Variants in HERC3 observed in about 807,000 individuals in gnomAD.
HERC3 encodes the protein HECT and RLD domain containing E3 ubiquitin protein ligase 3, also known as probable E3 ubiquitin-protein ligase HERC3.
Under a neutral mutation model 129.9 loss-of-function variants are expected in HERC3, and 58 were observed. The ratio of observed to expected loss-of-function variants is 0.45; its 90% CI spans 0.36 to 0.56. The LOEUF is 0.56. HERC3 is among the 20% of genes least tolerant of loss of function. HERC3 has a pLI of 0.00. For synonymous variants in HERC3, 430 were observed against 451.0 expected, an observed-to-expected ratio of 0.95 and a Z score of 0.59; for missense variants, 835 against 1,244.2, an observed-to-expected ratio of 0.67 and a Z score of 4.95.
the HERC3 span, among the ~76,000 whole-genome samples, chr4:88,552,076 T>C: frequency 1.3e-5 from 2 of 150,110 alleles, no homozygotes; most frequent in Non-Finnish European, 3.0e-5. Context: ...TAGATGGGAA[T>C]TGAACAATGA....
the HERC3 span, among the ~76,000 whole-genome samples, chr4:88,573,563 A>G: frequency 1.3e-5 from 2 of 152,194 alleles, no homozygotes; most frequent in Non-Finnish European, 2.9e-5. Flanking sequence ...TCATCTGTGC[A>G]TTGGTTTGAA....
chr4:88,581,272 T>C, the HERC3 span, among the ~76,000 whole-genome samples: 1 of 150,880 alleles, frequency 6.6e-6, no homozygotes, highest in South Asian at 2.1e-4. Flanking sequence ...TAAAAATATA[T>C]TCTTTCTATT....
intron 3 of HERC3, among the ~76,000 whole-genome samples, chr4:88,631,898 C>T (rs1726808018): frequency 6.6e-6 from 1 of 152,152 alleles, no homozygotes. Context: ...AACTATAAAA[C>T]CTGGACAGAA....
chr4:88,632,033 C>A (rs115688484), intron 3 of HERC3, among the ~76,000 whole-genome samples: 2,413 of 152,286 alleles, frequency 0.016, 58 homozygotes, highest in African/African-American at 0.055. Flanking sequence ...CTCTTATCAT[C>A]CTGCCATTTG....
At chr4:88,534,859 G>A in the HERC3 span, among the ~76,000 whole-genome samples, 1 of 152,116 alleles carries the variant, frequency 6.6e-6, no homozygotes, top group Non-Finnish European at 1.5e-5. Context: ...GACTGTTCAG[G>A]TTGTAGCCAT....
At chr4:88,702,320 T>C (rs541933576) in intron 23 of HERC3, among the ~76,000 whole-genome samples, 1 of 152,356 alleles carries the variant, frequency 6.6e-6, no homozygotes, top group South Asian at 2.1e-4. Flanking sequence ...CCATGTGTTA[T>C]CTACTCTTAC....
chr4:88,683,024 G>A (rs1732978858), intron 21 of HERC3, among the ~76,000 whole-genome samples: 1 of 152,212 alleles, frequency 6.6e-6, no homozygotes, highest in Non-Finnish European at 1.5e-5. Flanking sequence ...TCTGACTGGT[G>A]TGAGATGGTA....
the HERC3 span, among the ~76,000 whole-genome samples, chr4:88,531,088 C>T: frequency 1.2e-4 from 18 of 152,208 alleles, 1 homozygote; most frequent in African/African-American, 4.3e-4. Context: ...GAACTCCTGG[C>T]CTCAGGCGAT....
chr4:88,649,096 G>T (rs1728999017), intron 3 of HERC3, among the ~76,000 whole-genome samples: 1 of 152,032 alleles, frequency 6.6e-6, no homozygotes, highest in African/African-American at 2.4e-5. Context: ...ATTTCCTTCT[G>T]TTTATGTTGC....
the HERC3 span, among the ~76,000 whole-genome samples, chr4:88,544,292 T>C: frequency 6.6e-6 from 1 of 152,196 alleles, no homozygotes; most frequent in Non-Finnish European, 1.5e-5. Flanking sequence ...AAAGAAGACA[T>C]TTGTGCAGCC....
In HERC3 at chr4:88,649,916, C is replaced by G. The variant is rs750445002; in HGVS notation, c.303C>G (p.Asp101Glu). 2 of 1,613,916 alleles carry G rather than the reference C, an allele frequency of 1.2e-6. No homozygotes were observed. The highest frequency in any genetic ancestry group is 1.7e-6 in the Non-Finnish European group (2 of 1,179,974). ...AGTCCCACAGTCTGGCCCTCAGTGA[C>G]CGAGGCCAGCTGTTTTCTTGGGGTG... is the stretch of plus-strand genomic sequence containing the variant. ...CGESHSLALS[D>E]RGQLFSWGAG... The change falls in exon 4 of 26, where the codon GAC (aspartate) becomes GAG (glutamate). Residue 101 changes from aspartate (D) to glutamate (E), a missense_variant. Coordinates refer to ENST00000402738, the MANE Select transcript of HERC3 (RefSeq NM_014606.3).
chr4:88,679,980 T>C (rs1182039763), intron 19 of HERC3, 113 bp from the exon 20 acceptor site: 2 of 907,108 alleles, frequency 2.2e-6, no homozygotes, highest in African/African-American at 3.4e-5. Context: ...TCAGTGTGTA[T>C]TCTTTGTTAT....
the HERC3 span, among the ~76,000 whole-genome samples, chr4:88,537,746 G>T: frequency 6.6e-6 from 1 of 152,160 alleles, no homozygotes; most frequent in Non-Finnish European, 1.5e-5. Flanking sequence ...CTTTAAAATG[G>T]TGATCTTCTG....
At chr4:88,528,065 G>A in the HERC3 span, 1 of 297,176 alleles carries the variant, frequency 3.4e-6, no homozygotes, top group Non-Finnish European at 6.7e-6. Context: ...CTGTATATCA[G>A]AATCATCACC....
intron 3 of HERC3, among the ~76,000 whole-genome samples, chr4:88,626,040 G>A (rs549884298): frequency 2.2e-4 from 33 of 152,098 alleles, no homozygotes; most frequent in African/African-American, 7.9e-4. Context: ...TTCTTAAATT[G>A]TGACAAGGAT....
intron 9 of HERC3, 89 bp from the exon 10 acceptor site, chr4:88,658,326 C>T (rs1730134137): frequency 1.5e-6 from 1 of 658,418 alleles, no homozygotes; most frequent in African/African-American, 1.8e-5. Context: ...GGTACCCACT[C>T]TGAAGTGTAT....
chr4:88,531,138 G>A, the HERC3 span, among the ~76,000 whole-genome samples: 11 of 151,904 alleles, frequency 7.2e-5, no homozygotes, highest in South Asian at 2.1e-4. Context: ...GATTATAGGC[G>A]TGACCCACCA....
At chr4:88,706,265 T>C (rs991150867) in intron 25 of HERC3, among the ~76,000 whole-genome samples, 1 of 152,208 alleles carries the variant, frequency 6.6e-6, no homozygotes, top group Non-Finnish European at 1.5e-5. Context: ...TCTCCCTCTC[T>C]CTCTTTTGCC....
At chr4:88,537,986 A>G in the HERC3 span, among the ~76,000 whole-genome samples, 14 of 152,232 alleles carry the variant, frequency 9.2e-5, no homozygotes, top group Admixed American at 2.0e-4. Context: ...GTCCTATGTT[A>G]TTAGCCATAC....
Sources: gnomAD v4.1 joint callset for allele counts (sites outside exome capture counted in the v4.1 genomes callset) on GRCh38, gnomAD v4.1.1 for gene constraint, MANE v1.5 for transcripts, NCBI Gene and HGNC (gene_info 2026-07-23, HGNC 2026-07-21) for gene names.